The following CLSTN1 variants were observed in gnomAD, a reference collection of about 807,000 sequenced individuals.
The protein encoded by CLSTN1 is calsyntenin 1.
CLSTN1 carries 28 observed loss-of-function variants against 108.3 expected under a neutral mutation model. The ratio of observed to expected loss-of-function variants is 0.26; its 90% CI spans 0.19 to 0.35. The LOEUF is 0.35. CLSTN1 is among the 10% of genes least tolerant of loss of function. CLSTN1 has a pLI of 1.00. For missense variants in CLSTN1, 1,157 were observed against 1,302.6 expected, an observed-to-expected ratio of 0.89 and a Z score of 1.72; for synonymous variants, 524 against 534.9, an observed-to-expected ratio of 0.98 and a Z score of 0.28.
chr1:9,784,242 T>C (rs866149783), intron 1 of CLSTN1, among the ~76,000 whole-genome samples: 33 of 148,026 alleles, frequency 2.2e-4, no homozygotes, highest in African/African-American at 7.5e-4. Flanking sequence ...ACTCGGAAGG[T>C]TGAGGCAGGG....
intron 1 of CLSTN1, among the ~76,000 whole-genome samples, chr1:9,793,729 CCA>C (rs1016655802): frequency 6.6e-6 from 1 of 151,512 alleles, no homozygotes; most frequent in African/African-American, 2.4e-5. Context: ...GCAAGCAGCA[CCA>C]GTTACAGCCA....
intron 5 of CLSTN1, 128 bp from the exon 6 acceptor site, chr1:9,750,041 C>G: frequency 1.4e-6 from 1 of 720,886 alleles, no homozygotes; most frequent in South Asian, 1.8e-5. Context: ...TAAACATATG[C>G]TTGGGATGCT....
At chr1:9,779,766 GGAA>G (rs1653155339) in intron 1 of CLSTN1, among the ~76,000 whole-genome samples, 1 of 151,936 alleles carries the variant, frequency 6.6e-6, no homozygotes, top group Admixed American at 6.6e-5. Flanking sequence ...GATGTAGGCT[GGAA>G]GAAGCTTAGA....
rs759541267 is a variant in CLSTN1, at chr1:9,744,497, C to T, written c.1132G>A (p.Val378Met). The change falls in exon 8 of 19, where the codon GTG becomes ATG. Residue 378 changes from valine (V) to methionine (M), a missense_variant. Transcript: ENST00000377298. ...TQAVRIPDGV[V>M]SVSPKEPFTI... ...AACGGCTCTTTGGGGCTGACCGACA[C>T]GACGCCATCCGGGATCCTCACTGCC... The T allele has an allele frequency of 1.6e-5, 26 of 1,612,502 alleles. No individual in the cohort carries two copies. Among genetic ancestry groups the T allele is most frequent in the African/African-American group, 4.0e-5 (3 of 74,854 alleles).
chr1:9,731,137 C>T (rs747485042), intron 18 of CLSTN1, 69 bp downstream of exon 18: 20 of 1,579,904 alleles, frequency 1.3e-5, no homozygotes, highest in Admixed American at 3.3e-5. Flanking sequence ...GGAGCCGCGC[C>T]GTACCGGCTT....
At chr1:9,778,762 C>T (rs1482310873) in intron 1 of CLSTN1, among the ~76,000 whole-genome samples, 3 of 152,042 alleles carry the variant, frequency 2.0e-5, no homozygotes, top group Non-Finnish European at 4.4e-5. Flanking sequence ...CGCCTGTAAT[C>T]TTAGCACTTT....
At chr1:9,805,857 ACT>A (rs1276925907) in intron 1 of CLSTN1, among the ~76,000 whole-genome samples, 2 of 133,114 alleles carry the variant, frequency 1.5e-5, no homozygotes, top group Non-Finnish European at 3.1e-5. Flanking sequence ...ACAGAGCAAG[ACT>A]CTGTCTCAAA....
chr1:9,734,936 A>T lies in CLSTN1; in HGVS notation c.2110+12T>A. On this transcript the variant is annotated intron_variant, in intron 14 of 18. Coordinates refer to ENST00000377298, the MANE Select transcript of CLSTN1 (RefSeq NM_001009566.3). The surrounding 1 kb of genome is among the most constrained non-coding windows in gnomAD (Gnocchi z 4.8). The stretch of plus-strand genomic sequence containing the variant: ...CGAGGCGAGGGAGCCCGCGCCCCAC[A>T]GAGCACATTACCTGTGGGGTCCTCA... 1 of 1,611,650 alleles carries T rather than the reference A, an allele frequency of 6.2e-7. No individual in the cohort carries two copies.
At chr1:9,769,170 A>T (rs566921401) in intron 2 of CLSTN1, among the ~76,000 whole-genome samples, 1 of 149,198 alleles carries the variant, frequency 6.7e-6, no homozygotes, top group South Asian at 2.2e-4. Flanking sequence ...GGAAGGAAGG[A>T]GGGAGGGAGG....
rs762808550 is a variant in CLSTN1 at position 9,735,642 on chromosome 1, A to G, written c.1735-27T>C. The G allele has an allele frequency of 6.8e-6, 11 of 1,613,328 alleles. No individual in the cohort carries two copies. The African/African-American group carries it at 1.5e-4, about 22-fold the overall frequency. ...TGAAATCACACCAGCCACAGAGAGG[A>G]GAAGAATAAGCCAGTAACCGCAGGA... On this transcript the variant is annotated intron_variant, in intron 12 of 18. Transcript: ENST00000377298.
chr1:9,733,559 A>T lies in CLSTN1; in HGVS notation c.2282-13T>A, dbSNP rs1393606658. 1.2e-6 allele frequency: 2 copies of T among 1,613,514 alleles called. No individual in the cohort carries two copies. Among genetic ancestry groups the T allele is most frequent in the Non-Finnish European group, 1.7e-6 (2 of 1,179,852 alleles). On this transcript the variant is annotated splice_polypyrimidine_tract_variant and intron_variant, in intron 15 of 18. Transcript: ENST00000377298. ...ATGGTGTCCACGCCTGCAGGGGTTGAAAGGGGGAAGATTGCCGGGTGGCTT... is the reference window on the plus strand; with the variant it reads ...ATGGTGTCCACGCCTGCAGGGGTTGTAAGGGGGAAGATTGCCGGGTGGCTT...
chr1:9,756,624 C>A, intron 2 of CLSTN1, 114 bp from the exon 3 acceptor site: 1 of 807,346 alleles, frequency 1.2e-6, no homozygotes, highest in South Asian at 1.8e-5. Context: ...CCAAGCTCAG[C>A]GACCGGCTTC....
chr1:9,752,430 A>G (rs1479024101), intron 4 of CLSTN1, among the ~76,000 whole-genome samples: 5 of 152,206 alleles, frequency 3.3e-5, no homozygotes, highest in African/African-American at 4.8e-5. Context: ...ACTGTGGAAA[A>G]AGAGAAGAGA....
upstream of CLSTN1, chr1:9,824,210 G>A (rs1655321715): frequency 6.7e-6 from 1 of 150,026 alleles, no homozygotes; most frequent in Admixed American, 6.6e-5. This position sits in a 1 kb window ranked among gnomAD's most constrained non-coding sequence, Gnocchi z 5.0. Context: ...CCTGGGGTGG[G>A]TTCCGAGCGG....
At position 9,798,716 on chromosome 1, in the gene CLSTN1, A is replaced by AT. The variant is rs1022368910; in HGVS notation, c.91+24926dup. Among the ~76,000 whole-genome samples, 131 of 152,316 alleles carry AT rather than the reference A, an allele frequency of 8.6e-4. 1 individual carries two copies. The highest frequency in any genetic ancestry group is 3.1e-3 in the African/African-American group (128 of 41,572). On this transcript the variant is annotated intron_variant, in intron 1 of 18. Transcript: ENST00000377298. ...TGTACTAAATGCCACTGGATTGTAC[A>AT]TTTTAAAATGTGATGCTGGGGCTTC...
At position 9,735,949 on chromosome 1, in the gene CLSTN1, C is replaced by T; in HGVS notation, c.1670G>A (p.Cys557Tyr). ...CAGCCCCTCCTTGCAGGTATACAGA[C>T]AGTCGATCACCTTCTTATCCGCGAG... ...GKLADKKVID[C>Y]LYTCKEGLDL... Residue 557 changes from cysteine (C) to tyrosine (Y), a missense_variant, in exon 12 of 19, where the codon TGT becomes TAT. Cys to Tyr is a radical substitution (Grantham distance 194). Coordinates refer to ENST00000377298, the MANE Select transcript of CLSTN1 (RefSeq NM_001009566.3). The T allele has an allele frequency of 6.2e-7, 1 of 1,614,212 alleles. No homozygotes were observed.
intron 1 of CLSTN1, chr1:9,781,240 A>AT: frequency 1.3e-6 from 1 of 765,654 alleles, no homozygotes; most frequent in South Asian, 1.5e-5. Context: ...TGACAAGCTG[A>AT]TTTTCTGGGG....
chr1:9,788,035 G>C (rs936238011), intron 1 of CLSTN1, among the ~76,000 whole-genome samples: 53 of 151,340 alleles, frequency 3.5e-4, no homozygotes, highest in African/African-American at 1.3e-3. Flanking sequence ...AAGGTGGATC[G>C]CTTGAGTTCA....
chr1:9,734,126 C>G lies in CLSTN1; in HGVS notation c.2127G>C (p.Val709=), dbSNP rs772012908. The change falls in exon 15 of 19, where the codon GTG becomes GTC. Residue 709 remains valine (V), a synonymous_variant. Coordinates refer to ENST00000377298, the MANE Select transcript of CLSTN1 (RefSeq NM_001009566.3). The surrounding 1 kb of genome is among the most constrained non-coding windows in gnomAD (Gnocchi z 4.8). ...CCAGGTCGTGCACGATCTCCTCGGA[C>G]ACCAGTGATTCTTGAACTGCAAAAG... The part of the protein sequence containing the change: ...AEDPTVQESL[V]SEEIVHDLDT... 2 of 1,613,994 alleles carry G rather than the reference C, an allele frequency of 1.2e-6. No individual in the cohort carries two copies. Among genetic ancestry groups the G allele is most frequent in the Non-Finnish European group, 1.7e-6 (2 of 1,180,008 alleles).
Sources: gnomAD v4.1 joint callset for allele counts (sites outside exome capture counted in the v4.1 genomes callset) on GRCh38, gnomAD v4.1.1 for gene constraint, Gnocchi (gnomAD v3.1) non-coding constraint, MANE v1.5 for transcripts, NCBI Gene and HGNC (gene_info 2026-07-23, HGNC 2026-07-21) for gene names.